The following NALF1 variants were observed in gnomAD, a reference collection of about 807,000 sequenced individuals.
NALF1 encodes family with sequence similarity 155 member A.
NALF1 carries 3 observed loss-of-function variants against 48.4 expected under a neutral mutation model. The observed-to-expected ratio is 0.06, with a 90% CI of 0.03 to 0.16. The LOEUF (loss-of-function observed/expected upper bound fraction) is 0.16, where lower values mean the gene tolerates loss of function less well. Ranked by LOEUF, NALF1 falls within the 10% of genes least tolerant of loss-of-function variation. The pLI, the probability that NALF1 is intolerant of heterozygous loss-of-function variation, is 1.00. For missense variants in NALF1, 526 were observed against 571.5 expected (o/e 0.92, Z 0.81); for synonymous variants, 262 against 245.7 (o/e 1.07, Z -0.62).
intron 1 of NALF1, among the ~76,000 whole-genome samples, chr13:107,403,205 T>TTTTTTTTTTTTTTTC (rs1883841192): frequency 6.9e-6 from 1 of 144,474 alleles, no homozygotes; most frequent in Non-Finnish European, 1.5e-5. Flanking sequence ...TTTTTTTTTT[T>TTTTTTTTTTTTTTTC]TTTTTTTTTT....
chr13:107,775,194 A>G (rs1245661103), intron 1 of NALF1, among the ~76,000 whole-genome samples: 1 of 134,072 alleles, frequency 7.5e-6, no homozygotes, highest in South Asian at 3.0e-4. Context: ...TCCCAGTGCT[A>G]TCCCTCCCCC....
chr13:107,543,117 A>C (rs1877039266), intron 1 of NALF1, among the ~76,000 whole-genome samples: 1 of 152,056 alleles, frequency 6.6e-6, no homozygotes, highest in Non-Finnish European at 1.5e-5. Flanking sequence ...TTAACAGACT[A>C]CCTGAATATT....
intron 1 of NALF1, among the ~76,000 whole-genome samples, chr13:107,737,327 T>C (rs1241298095): frequency 1.3e-5 from 2 of 152,192 alleles, no homozygotes; most frequent in African/African-American, 2.4e-5. Flanking sequence ...ATTTATAAGC[T>C]TACTAAGCCA....
intron 1 of NALF1, among the ~76,000 whole-genome samples, chr13:107,647,116 A>C (rs1880333993): frequency 6.6e-6 from 1 of 152,080 alleles, no homozygotes; most frequent in Admixed American, 6.6e-5. Context: ...TATTATATGT[A>C]ATCAGTGAAT....
intron 1 of NALF1, among the ~76,000 whole-genome samples, chr13:107,670,122 G>A (rs1235385934): frequency 6.6e-6 from 1 of 152,144 alleles, no homozygotes; most frequent in Middle Eastern, 3.4e-3. Context: ...TACTGAAAAG[G>A]TTAGTAAGAT....
intron 1 of NALF1, among the ~76,000 whole-genome samples, chr13:107,444,630 T>C (rs1025199875): frequency 6.6e-6 from 1 of 152,184 alleles, no homozygotes; most frequent in African/African-American, 2.4e-5. Flanking sequence ...AATAGAGCTA[T>C]GTCATGATTG....
At chr13:107,641,976 A>G (rs574180888) in intron 1 of NALF1, among the ~76,000 whole-genome samples, 1 of 152,272 alleles carries the variant, frequency 6.6e-6, no homozygotes, top group Non-Finnish European at 1.5e-5. Context: ...TTCTATATAT[A>G]GCTTTCCAGG....
chr13:107,246,248 A>G (rs961577440), intron 1 of NALF1, among the ~76,000 whole-genome samples: 1 of 152,212 alleles, frequency 6.6e-6, no homozygotes, highest in Admixed American at 6.5e-5. Flanking sequence ...TGCACCCTTC[A>G]AGGCCCAGCT....
At chr13:107,351,523 T>G (rs908398768) in intron 1 of NALF1, among the ~76,000 whole-genome samples, 3 of 152,154 alleles carry the variant, frequency 2.0e-5, no homozygotes, top group African/African-American at 7.2e-5. Flanking sequence ...GAAGAACACT[T>G]GCCCAGTAAC....
chr13:107,471,089 T>A (rs1433963808), intron 1 of NALF1, among the ~76,000 whole-genome samples: 1 of 152,202 alleles, frequency 6.6e-6, no homozygotes, highest in Non-Finnish European at 1.5e-5. Context: ...CCAAACCCAT[T>A]GATAAAGCTG....
At chr13:107,306,552 A>T (rs939338294) in intron 1 of NALF1, among the ~76,000 whole-genome samples, 1 of 152,208 alleles carries the variant, frequency 6.6e-6, no homozygotes, top group Non-Finnish European at 1.5e-5. Flanking sequence ...ATGTTCTATC[A>T]ACAGCAACTA....
chr13:107,439,540 A>G (rs558648477), intron 1 of NALF1, among the ~76,000 whole-genome samples: 1 of 152,172 alleles, frequency 6.6e-6, no homozygotes, highest in African/African-American at 2.4e-5. Flanking sequence ...TGGTTTTAAG[A>G]AAAAAAGCCT....
intron 1 of NALF1, among the ~76,000 whole-genome samples, chr13:107,792,701 G>A (rs1169227588): frequency 1.3e-5 from 2 of 152,188 alleles, no homozygotes; most frequent in Non-Finnish European, 1.5e-5. Context: ...ATAAAAGAGT[G>A]AAACACTTAT....
At chr13:107,607,199 T>C (rs1879097307) in intron 1 of NALF1, among the ~76,000 whole-genome samples, 1 of 152,172 alleles carries the variant, frequency 6.6e-6, no homozygotes, top group African/African-American at 2.4e-5. Context: ...AAAAATCCTA[T>C]TGAACTTATA....
chr13:107,173,253 T>C (rs1878842729), intron 2 of NALF1, among the ~76,000 whole-genome samples: 1 of 152,172 alleles, frequency 6.6e-6, no homozygotes, highest in South Asian at 2.1e-4. Flanking sequence ...ATAAAACATT[T>C]ATTCTCCTCC....
intron 1 of NALF1, among the ~76,000 whole-genome samples, chr13:107,660,570 C>G (rs1330541124): frequency 6.6e-6 from 1 of 151,878 alleles, no homozygotes; most frequent in African/African-American, 2.4e-5. Context: ...TTATTTTCTA[C>G]TTGTAGACAC....
At chr13:107,599,282 C>T (rs1235454183) in intron 1 of NALF1, among the ~76,000 whole-genome samples, 11 of 152,024 alleles carry the variant, frequency 7.2e-5, no homozygotes, top group East Asian at 1.9e-4. Context: ...ATTAGCCAGG[C>T]GTGGTGGCGG....
chr13:107,714,391 G>A (rs1448503403), intron 1 of NALF1, among the ~76,000 whole-genome samples: 2 of 152,080 alleles, frequency 1.3e-5, no homozygotes, highest in African/African-American at 4.8e-5. Context: ...ACCAGGCCAG[G>A]CGCAGTGGCT....
intron 2 of NALF1, among the ~76,000 whole-genome samples, chr13:107,209,725 A>G (rs1879720691): frequency 6.6e-6 from 1 of 152,166 alleles, no homozygotes; most frequent in Non-Finnish European, 1.5e-5. Context: ...GTGTCTCTAC[A>G]CATATGATGG....
Sources: allele counts gnomAD v4.1 joint callset (sites outside exome capture counted in the v4.1 genomes callset), GRCh38; gene constraint gnomAD v4.1.1; transcripts MANE v1.5; gene names NCBI Gene and HGNC (gene_info 2026-07-23, HGNC 2026-07-21).